EPB42: variants seen among roughly 807,000 people sequenced by gnomAD.
EPB42 encodes the protein erythrocyte membrane protein band 4.2, also known as protein 4.2.
A neutral mutation model predicts 76.9 loss-of-function variants in EPB42; 49 were observed. That is an observed-to-expected ratio of 0.64 (90% CI 0.51 to 0.81). The LOEUF (loss-of-function observed/expected upper bound fraction) is 0.81, where lower values mean the gene tolerates loss of function less well. Ranked by LOEUF, EPB42 falls within the 30% of genes least tolerant of loss-of-function variation. EPB42 has a pLI of 0.00. For missense variants in EPB42, 731 were observed against 867.6 expected (o/e 0.84, Z 1.98); for synonymous variants, 310 against 338.4 (o/e 0.92, Z 0.92).
chr15:43,207,144 C>T, intron 9 of EPB42, 55 bp downstream of exon 9: 1 of 1,611,170 alleles, frequency 6.2e-7, no homozygotes, highest in Non-Finnish European at 8.5e-7. Context: ...CCATCCCTTT[C>T]CCTCGCTTGC....
At chr15:43,203,686 GATGAGGT>G (rs2142269658) in intron 10 of EPB42, among the ~76,000 whole-genome samples, 1 of 152,190 alleles carries the variant, frequency 6.6e-6, no homozygotes, top group South Asian at 2.1e-4. Flanking sequence ...CTGCTCAGGG[GATGAGGT>G]ATCCCCCCTG....
Position 43,208,787 on chromosome 15 carries a change from G to T in EPB42, c.833-12C>A. ...CAGGCATCGCAGCACTGTGAGAAGA[G>T]GGGCGGAGTGTCAGGGGGCGCTTGA... is the stretch of plus-strand genomic sequence containing the variant. On this transcript the variant is annotated splice_polypyrimidine_tract_variant and intron_variant, in intron 6 of 12. Coordinates refer to ENST00000441366, the MANE Select transcript of EPB42 (RefSeq NM_001114134.2). 1 of 1,613,462 alleles carries T rather than the reference G, an allele frequency of 6.2e-7. No individual in the cohort carries two copies. Among genetic ancestry groups the T allele is most frequent in the Non-Finnish European group, 8.5e-7 (1 of 1,179,712 alleles).
intron 5 of EPB42, among the ~76,000 whole-genome samples, chr15:43,209,939 T>C (rs2042268423): frequency 6.6e-6 from 1 of 152,206 alleles, no homozygotes; most frequent in Admixed American, 6.5e-5. Flanking sequence ...CGAGTTACCA[T>C]CATGGTCTGC....
In EPB42 at chr15:43,213,484, G is replaced by A. The variant is rs75968429; in HGVS notation, c.430+1611C>T. ...ACTCAGGCAGAGAGGCCCTCCCTAG[G>A]CAGGTCCCTACAAACTGAGCACAAA... On this transcript the variant is annotated intron_variant, in intron 3 of 12. Coordinates refer to ENST00000441366, the MANE Select transcript of EPB42 (RefSeq NM_001114134.2). 5.8e-3 allele frequency among the ~76,000 whole-genome samples: 883 copies of A among 152,192 alleles called. 10 individuals carry two copies. The highest frequency in any genetic ancestry group is 0.02 in the African/African-American group (845 of 41,506).
At chr15:43,211,639 C>A in intron 3 of EPB42, 105 bp from the exon 4 acceptor site, 2 of 812,042 alleles carry the variant, frequency 2.5e-6, no homozygotes, top group Non-Finnish European at 2.2e-6. Flanking sequence ...CTGCAGGCCA[C>A]CCCGTCAGCT....
At chr15:43,208,125 C>T (rs1169626330) in intron 8 of EPB42, 105 bp downstream of exon 8, 8 of 959,720 alleles carry the variant, frequency 8.3e-6, no homozygotes, top group African/African-American at 1.6e-5. Context: ...CTACTGTTTT[C>T]GAGGATGCAG....
intron 1 of EPB42, among the ~76,000 whole-genome samples, chr15:43,217,828 T>A (rs2042400776): frequency 6.6e-6 from 1 of 152,246 alleles, no homozygotes; most frequent in Admixed American, 6.5e-5. Context: ...TTTTCCTCAA[T>A]TCCCAGTCTC....
At chr15:43,209,128 T>A in intron 6 of EPB42, 146 bp downstream of exon 6, 1 of 977,624 alleles carries the variant, frequency 1.0e-6, no homozygotes. Context: ...CGGGAGGAGC[T>A]GCCTGGGACA....
chr15:43,198,131 G>A (rs2042072627), intron 12 of EPB42, among the ~76,000 whole-genome samples: 1 of 152,256 alleles, frequency 6.6e-6, no homozygotes, highest in East Asian at 1.9e-4. Context: ...ACAGTAAATT[G>A]GTATGAGTAG....
At chr15:43,214,984 TAGAG>T (rs757726322) in intron 3 of EPB42, 107 bp downstream of exon 3, 24 of 924,402 alleles carry the variant, frequency 2.6e-5, no homozygotes, top group Non-Finnish European at 4.1e-5. Flanking sequence ...GTGCTGTCCT[TAGAG>T]AGGGCTGCCA....
At chr15:43,198,064 CCT>C (rs2042071342) in intron 12 of EPB42, among the ~76,000 whole-genome samples, 1 of 152,178 alleles carries the variant, frequency 6.6e-6, no homozygotes, top group Non-Finnish European at 1.5e-5. Flanking sequence ...TCCAATTAAA[CCT>C]CTTTTTCTTC....
chr15:43,209,102 AAGC>A (rs200546640), intron 6 of EPB42, among the ~76,000 whole-genome samples, 169 bp downstream of exon 6: 2,307 of 152,336 alleles, frequency 0.015, 32 homozygotes, highest in Non-Finnish European at 0.025. Context: ...CTGAGGGGAA[AAGC>A]AGCAGAAGCT....
At position 43,215,199 on chromosome 15, in the gene EPB42, G is replaced by A; in HGVS notation, c.326C>T (p.Pro109Leu). The stretch of plus-strand genomic sequence containing the variant: ...GTAGTGGCCAATGACAGCGTCCGCA[G>A]GTGTGGTCACAGAGATGGTCCAGGA... ...AQSWTISVTTPADAVIGHYSL... is the reference protein window; with the variant it reads ...AQSWTISVTTLADAVIGHYSL... Residue 109 changes from proline (P) to leucine (L), a missense_variant, in exon 3 of 13, where the codon CCT becomes CTT. Transcript: ENST00000441366. 6.2e-7 allele frequency: 1 copy of A among 1,614,222 alleles called. No individual in the cohort carries two copies. The highest frequency in any genetic ancestry group is 1.1e-5 in the South Asian group (1 of 91,090).
Position 43,206,222 on chromosome 15 carries a change from G to T in EPB42, c.1618+108C>A. 8.5e-7 allele frequency: 1 copy of T among 1,174,582 alleles called. No individual in the cohort carries two copies. The highest frequency in any genetic ancestry group is 1.2e-6 in the Non-Finnish European group (1 of 853,192). The allele number at this position is 1,174,582 out of a possible 1,614,324, so 72.8% of individuals were successfully genotyped here. A position where few individuals can be genotyped will look rare whatever the true frequency, so the allele number is the denominator to read the frequency against. ...TGAGAGTGAGCAGCAGGGGCTCAAA[G>T]CCATCTCTAGAGACTGCAGGGGGTG... On this transcript the variant is annotated intron_variant, in intron 10 of 12. Transcript: ENST00000441366. This position sits in a 1 kb window ranked among gnomAD's most constrained non-coding sequence, Gnocchi z 4.7.
At chr15:43,216,119 C>A in intron 2 of EPB42, 149 bp downstream of exon 2, 2 of 914,530 alleles carry the variant, frequency 2.2e-6, no homozygotes, top group Non-Finnish European at 3.4e-6. Flanking sequence ...CTCGTGGCAC[C>A]CTCATGACTG....
chr15:43,197,499 C>T (rs748492564), intron 12 of EPB42, 35 bp from the exon 13 acceptor site: 2 of 1,612,580 alleles, frequency 1.2e-6, no homozygotes, highest in Non-Finnish European at 1.7e-6. Context: ...CTAGTTCTGT[C>T]CCAGGTTCAT....
chr15:43,199,065 A>T (rs1008175786), intron 12 of EPB42, among the ~76,000 whole-genome samples: 3 of 152,218 alleles, frequency 2.0e-5, no homozygotes, highest in African/African-American at 7.2e-5. Flanking sequence ...CCTCATGGAG[A>T]ACCTCTGCTA....
intron 2 of EPB42, 99 bp from the exon 3 acceptor site, chr15:43,215,427 T>C: frequency 7.5e-7 from 1 of 1,327,846 alleles, no homozygotes; most frequent in Non-Finnish European, 1.1e-6. Context: ...GTGAAATTTG[T>C]TTTTGGAGGA....
intron 8 of EPB42, 119 bp downstream of exon 8, chr15:43,208,111 G>A: frequency 1.2e-6 from 1 of 831,864 alleles, no homozygotes; most frequent in Non-Finnish European, 2.0e-6. Context: ...CATGCCTCGT[G>A]CTTCTACTGT....
Sources: allele counts gnomAD v4.1 joint callset (sites outside exome capture counted in the v4.1 genomes callset), GRCh38; gene constraint gnomAD v4.1.1; non-coding constraint Gnocchi (gnomAD v3.1); transcripts MANE v1.5; gene names NCBI Gene and HGNC (gene_info 2026-07-23, HGNC 2026-07-21).